The following CTNNA3 variants were observed in gnomAD, a reference collection of about 807,000 sequenced individuals.
The protein encoded by CTNNA3 is catenin alpha 3.
CTNNA3 carries 76 observed loss-of-function variants against 95.7 expected under a neutral mutation model. That is an observed-to-expected ratio of 0.79 (90% CI 0.66 to 0.96). The LOEUF (loss-of-function observed/expected upper bound fraction) is 0.96, where lower values mean the gene tolerates loss of function less well. Among genes scored for constraint, CTNNA3 ranks in the 40% least tolerant of loss-of-function variants. The pLI is 0.00. For synonymous variants in CTNNA3, 431 were observed against 374.4 expected, an observed-to-expected ratio of 1.15 and a Z score of -1.74; for missense variants, 1,191 against 1,089.8, an observed-to-expected ratio of 1.09 and a Z score of -1.31.
chr10:66,673,619 T>G (rs1332347669), intron 9 of CTNNA3, among the ~76,000 whole-genome samples: 1 of 152,042 alleles, frequency 6.6e-6, no homozygotes, highest in East Asian at 1.9e-4. Context: ...AAGCTTCCAA[T>G]TTATGAATAA....
chr10:66,086,938 T>A (rs1377617299), intron 14 of CTNNA3, among the ~76,000 whole-genome samples: 2 of 152,094 alleles, frequency 1.3e-5, no homozygotes, highest in Non-Finnish European at 2.9e-5. Context: ...ATTTCTTTTC[T>A]AATAAAAAGC....
chr10:67,442,895 T>A (rs1357756067), intron 5 of CTNNA3, among the ~76,000 whole-genome samples: 3 of 150,336 alleles, frequency 2.0e-5, no homozygotes, highest in Non-Finnish European at 4.4e-5. Flanking sequence ...GCTGCACCCA[T>A]TAACTTGTCA....
intron 3 of CTNNA3, among the ~76,000 whole-genome samples, chr10:67,545,838 A>C (rs904930341): frequency 6.6e-6 from 1 of 152,188 alleles, no homozygotes; most frequent in South Asian, 2.1e-4. Flanking sequence ...ATATATCTTG[A>C]AGCAAAAATT....
At chr10:67,347,549 A>G (rs535851632) in intron 5 of CTNNA3, among the ~76,000 whole-genome samples, 5 of 152,176 alleles carry the variant, frequency 3.3e-5, no homozygotes, top group Non-Finnish European at 7.3e-5. Flanking sequence ...TATGTTGATG[A>G]ATGAAACAAA....
chr10:66,280,589 C>A lies in CTNNA3; in HGVS notation c.1765G>T (p.Ala589Ser). 1 of 1,607,608 alleles carries A rather than the reference C, an allele frequency of 6.2e-7. No homozygotes were observed. Among genetic ancestry groups the A allele is most frequent in the Admixed American group, 1.7e-5 (1 of 59,288 alleles). Reference sequence around the variant, plus strand: ...GAGCTTTTGCTTAAGGCTTCCAAGGCAACATTCACTTGTGTTACAAATTCA... The same window carrying A: ...GAGCTTTTGCTTAAGGCTTCCAAGGAAACATTCACTTGTGTTACAAATTCA... Reference protein sequence around the residue: ...IPEFVTQVNVALEALSKSSLN... With the variant: ...IPEFVTQVNVSLEALSKSSLN... Residue 589 changes from alanine to serine, a missense_variant, in exon 13 of 18, where the codon GCC becomes TCC. Coordinates refer to ENST00000433211, the MANE Select transcript of CTNNA3 (RefSeq NM_013266.4).
At chr10:66,243,958 A>G (rs372075292) in intron 13 of CTNNA3, among the ~76,000 whole-genome samples, 37 of 152,244 alleles carry the variant, frequency 2.4e-4, no homozygotes, top group African/African-American at 5.5e-4. Flanking sequence ...GAGGTCCCCA[A>G]TACAAGCCTA....
intron 15 of CTNNA3, among the ~76,000 whole-genome samples, chr10:66,067,783 T>G (rs995780651): frequency 6.6e-6 from 1 of 151,836 alleles, no homozygotes; most frequent in Non-Finnish European, 1.5e-5. Context: ...GGGTGTGGTG[T>G]TGTGCGCCTG....
intron 6 of CTNNA3, among the ~76,000 whole-genome samples, chr10:67,185,362 A>C (rs575073795): frequency 6.6e-6 from 1 of 151,860 alleles, no homozygotes; most frequent in Non-Finnish European, 1.5e-5. Context: ...TCTTGACCAC[A>C]TGATCCGCCT....
At chr10:66,358,356 A>G (rs904604950) in intron 12 of CTNNA3, among the ~76,000 whole-genome samples, 4 of 152,088 alleles carry the variant, frequency 2.6e-5, no homozygotes, top group Non-Finnish European at 5.9e-5. Context: ...TATGGGGAAA[A>G]AAAGGGGAGT....
chr10:66,599,038 A>C, intron 10 of CTNNA3, among the ~76,000 whole-genome samples: 1 of 98,832 alleles, frequency 1.0e-5, no homozygotes, highest in South Asian at 2.7e-4. Flanking sequence ...TACTGGCATA[A>C]AAACAGACAC....
At chr10:67,606,084 G>T (rs1190120025) in intron 3 of CTNNA3, among the ~76,000 whole-genome samples, 4 of 152,112 alleles carry the variant, frequency 2.6e-5, no homozygotes, top group African/African-American at 7.2e-5. Flanking sequence ...TTAAAGTTAC[G>T]TTGGGGGATT....
At chr10:65,993,677 T>C (rs905415891) in intron 15 of CTNNA3, among the ~76,000 whole-genome samples, 5 of 152,144 alleles carry the variant, frequency 3.3e-5, no homozygotes, top group African/African-American at 7.2e-5. Context: ...GATAGTTGGG[T>C]CATGTGGTCC....
chr10:66,095,024 T>A (rs2133708083), intron 14 of CTNNA3, among the ~76,000 whole-genome samples: 1 of 152,212 alleles, frequency 6.6e-6, no homozygotes, highest in East Asian at 1.9e-4. Flanking sequence ...AGGTGGTGCA[T>A]TTAGGTTTGG....
At chr10:67,097,700 G>T (rs267602550) in intron 7 of CTNNA3, 1 of 1,612,754 alleles carries the variant, frequency 6.2e-7, no homozygotes, top group Admixed American at 1.7e-5. Context: ...CGAATGCACA[G>T]GAAGATACGA....
chr10:67,558,793 G>C (rs931115088), intron 3 of CTNNA3, among the ~76,000 whole-genome samples: 1 of 152,230 alleles, frequency 6.6e-6, no homozygotes, highest in East Asian at 1.9e-4. Flanking sequence ...CTAATACTGC[G>C]CTTTTCCAAC....
In CTNNA3 at chr10:66,889,570, G is replaced by A. The variant is rs999036650; in HGVS notation, c.1048-114046C>T. Among the ~76,000 whole-genome samples the A allele has an allele frequency of 1.1e-4, 16 of 152,220 alleles. No individual in the cohort carries two copies. In the South Asian group the frequency reaches 1.7e-3, roughly 16 times the overall value. On this transcript the variant is annotated intron_variant, in intron 7 of 17. Coordinates refer to ENST00000433211, the MANE Select transcript of CTNNA3 (RefSeq NM_013266.4). ...ATTAAAAAAAGAAAAAAAGATGACC[G>A]TGGCTCCTAAGTGGATTGTATGTGT... is the stretch of plus-strand genomic sequence containing the variant.
chr10:67,672,671 G>C (rs1405910496), intron 1 of CTNNA3, among the ~76,000 whole-genome samples: 1 of 152,150 alleles, frequency 6.6e-6, no homozygotes, highest in Non-Finnish European at 1.5e-5. Flanking sequence ...GATGGTTGTA[G>C]ATATGAGGCA....
intron 12 of CTNNA3, among the ~76,000 whole-genome samples, chr10:66,284,682 C>A (rs2091554434): frequency 6.6e-6 from 1 of 151,826 alleles, no homozygotes; most frequent in Non-Finnish European, 1.5e-5. Flanking sequence ...AGACTCATTA[C>A]AATAATGATC....
intron 10 of CTNNA3, among the ~76,000 whole-genome samples, chr10:66,563,142 T>G (rs946817840): frequency 6.6e-6 from 1 of 152,126 alleles, no homozygotes; most frequent in African/African-American, 2.4e-5. Flanking sequence ...ATTGCAAAGT[T>G]AATAATTATA....
Sources: allele counts gnomAD v4.1 joint callset (sites outside exome capture counted in the v4.1 genomes callset), GRCh38; gene constraint gnomAD v4.1.1; transcripts MANE v1.5; gene names NCBI Gene and HGNC (gene_info 2026-07-23, HGNC 2026-07-21).